The following CXADR variants were observed in gnomAD, a reference collection of about 807,000 sequenced individuals.
The protein encoded by CXADR is coxsackievirus and adenovirus receptor.
A neutral mutation model predicts 40.3 loss-of-function variants in CXADR; 20 were observed. The ratio of observed to expected loss-of-function variants is 0.50; its 90% confidence interval spans 0.35 to 0.72. The LOEUF (loss-of-function observed/expected upper bound fraction) is 0.72, where lower values mean the gene tolerates loss of function less well. Ranked by LOEUF, CXADR falls within the 30% of genes least tolerant of loss-of-function variation. CXADR has a pLI of 0.01. For missense variants in CXADR, 332 were observed against 449.1 expected (o/e 0.74, Z 2.36); for synonymous variants, 150 against 161.3 (o/e 0.93, Z 0.53).
At chr21:17,609,039 G>A in the CXADR span, 28 of 1,613,844 alleles carry the variant, frequency 1.7e-5, no homozygotes, top group Non-Finnish European at 2.3e-5. Context: ...TGAAGTATTA[G>A]GGTCAATTTC....
chr21:17,518,844 T>C, intron 1 of CXADR: 5 of 1,562,482 alleles, frequency 3.2e-6, no homozygotes, highest in Non-Finnish European at 4.4e-6. Context: ...CAATACCAAC[T>C]ATATTATTCA....
downstream of CXADR, chr21:17,594,445 G>A: frequency 7.9e-7 from 1 of 1,258,372 alleles, no homozygotes; most frequent in Non-Finnish European, 1.1e-6. Context: ...TCACATCTAA[G>A]TGACACTCCT....
intron 6 of CXADR, among the ~76,000 whole-genome samples, chr21:17,564,984 C>T (rs1733028315): frequency 6.6e-6 from 1 of 152,190 alleles, no homozygotes; most frequent in Admixed American, 6.5e-5. Context: ...ATCTGCCCAC[C>T]TCAGCTTCCC....
At chr21:17,556,135 G>A (rs975362416) in intron 3 of CXADR, among the ~76,000 whole-genome samples, 2 of 152,216 alleles carry the variant, frequency 1.3e-5, no homozygotes, top group Non-Finnish European at 2.9e-5. Flanking sequence ...TGAGGACAGC[G>A]GCCAGTATGT....
intron 2 of CXADR, among the ~76,000 whole-genome samples, chr21:17,548,601 G>T (rs770331114): frequency 4.6e-5 from 7 of 151,844 alleles, no homozygotes; most frequent in Admixed American, 2.0e-4. Flanking sequence ...TAGAGCCCAG[G>T]ACTCTGATCC....
intron 1 of CXADR, among the ~76,000 whole-genome samples, chr21:17,530,111 G>C (rs1379266811): frequency 6.4e-5 from 3 of 46,710 alleles, no homozygotes; most frequent in Non-Finnish European, 1.4e-4. Flanking sequence ...ACCATGCCAG[G>C]CTATTTTTTT....
chr21:17,528,193 C>A (rs1261112423), intron 1 of CXADR, among the ~76,000 whole-genome samples: 1 of 151,362 alleles, frequency 6.6e-6, no homozygotes, highest in African/African-American at 2.4e-5. Flanking sequence ...CCTGCCTCAC[C>A]CTCTCGAGTA....
the CXADR span, among the ~76,000 whole-genome samples, chr21:17,622,506 T>C: frequency 6.6e-6 from 1 of 150,768 alleles, no homozygotes; most frequent in Non-Finnish European, 1.5e-5. Flanking sequence ...ATGTATATGC[T>C]TTATTTCAGG....
the CXADR span, among the ~76,000 whole-genome samples, chr21:17,600,890 G>A: frequency 6.6e-6 from 1 of 152,090 alleles, no homozygotes; most frequent in African/African-American, 2.4e-5. Flanking sequence ...GGGGCTGGGC[G>A]CGGTGGCTCA....
chr21:17,620,128 C>A, the CXADR span, among the ~76,000 whole-genome samples: 1 of 152,232 alleles, frequency 6.6e-6, no homozygotes, highest in African/African-American at 2.4e-5. Flanking sequence ...ACTTGGCTGA[C>A]GAGTTGGCAC....
rs540260659 is a variant in CXADR at position 17,560,038 on chromosome 21, G to A, written c.572-664G>A. On this transcript the variant is annotated intron_variant, in intron 4 of 6. Coordinates refer to ENST00000284878, the MANE Select transcript of CXADR (RefSeq NM_001338.5). ...TTAGATGGTGGCTAAAGTATAGTAA[G>A]AGTTGGCTCTTTAGTGTTTTGCCTA... Among the ~76,000 whole-genome samples the A allele has an allele frequency of 2.0e-4, 30 of 152,052 alleles. 1 individual carries two copies. The South Asian group carries it at 3.3e-3, about 17-fold the overall frequency.
At chr21:17,528,068 C>CT (rs35477813) in intron 1 of CXADR, among the ~76,000 whole-genome samples, 33,469 of 78,386 alleles carry the variant, frequency 0.43, 9,108 homozygotes, top group Non-Finnish European at 0.53. Flanking sequence ...TTAGTTCTTT[C>CT]TTTTTTTTTT....
chr21:17,616,595 T>C, the CXADR span, among the ~76,000 whole-genome samples: 1 of 152,074 alleles, frequency 6.6e-6, no homozygotes, highest in African/African-American at 2.4e-5. Flanking sequence ...CAGTCACTTT[T>C]ATAATGGACA....
intron 3 of CXADR, among the ~76,000 whole-genome samples, chr21:17,552,974 G>T (rs1323427940): frequency 6.6e-6 from 1 of 152,038 alleles, no homozygotes; most frequent in African/African-American, 2.4e-5. Flanking sequence ...CCAGGCTAGA[G>T]TGCAGTGGCA....
At chr21:17,529,882 C>T (rs1490923211) in intron 1 of CXADR, among the ~76,000 whole-genome samples, 2 of 152,044 alleles carry the variant, frequency 1.3e-5, no homozygotes, top group Non-Finnish European at 2.9e-5. Flanking sequence ...TAGAACCCAA[C>T]CCACATATCA....
At chr21:17,546,997 G>A (rs371683450) in intron 1 of CXADR, 30 bp from the exon 2 acceptor site, 7 of 1,610,592 alleles carry the variant, frequency 4.3e-6, no homozygotes, top group Admixed American at 1.7e-5. Flanking sequence ...TATAGCAAAT[G>A]CTTAGTCCCT....
intron 7 of CXADR, among the ~76,000 whole-genome samples, chr21:17,582,599 C>T (rs2061369202): frequency 2.0e-5 from 3 of 152,212 alleles, no homozygotes. Flanking sequence ...AACATCTTTA[C>T]ATCTAACTGT....
At chr21:17,562,450 T>C (rs1200186557) in intron 6 of CXADR, among the ~76,000 whole-genome samples, 5 of 152,152 alleles carry the variant, frequency 3.3e-5, no homozygotes. Context: ...GCTTTCCGAG[T>C]ATCTGGGACT....
chr21:17,629,195 C>G, the CXADR span, among the ~76,000 whole-genome samples: 1 of 151,954 alleles, frequency 6.6e-6, no homozygotes, highest in African/African-American at 2.4e-5. Context: ...GTCTGGCCAA[C>G]ATAGCAAAAC....
Sources: allele counts gnomAD v4.1 joint callset (sites outside exome capture counted in the v4.1 genomes callset), GRCh38; gene constraint gnomAD v4.1.1; transcripts MANE v1.5; gene names NCBI Gene and HGNC (gene_info 2026-07-23, HGNC 2026-07-21).